Variants in STARD5 observed in about 807,000 individuals in gnomAD.
The protein encoded by STARD5 is stAR-related lipid transfer protein 5.
In STARD5, 26 loss-of-function variants were observed where a neutral mutation model predicts 24.6. The observed-to-expected ratio is 1.06, with a 90% CI of 0.77 to 1.47. STARD5 has a LOEUF of 1.47. Among genes scored for constraint, STARD5 ranks in the 40% most tolerant of loss-of-function variants. STARD5 has a pLI of 0.00. For synonymous variants in STARD5, 101 were observed against 99.7 expected, an observed-to-expected ratio of 1.01 and a Z score of -0.07; for missense variants, 254 against 270.8, an observed-to-expected ratio of 0.94 and a Z score of 0.44.
Position 81,322,389 on chromosome 15 carries a change from C to T in STARD5, c.282+19G>A. 6.2e-7 allele frequency: 1 copy of T among 1,614,106 alleles called. No individual in the cohort carries two copies. Among genetic ancestry groups the T allele is most frequent in the South Asian group, 1.1e-5 (1 of 91,080 alleles). On this transcript the variant is annotated intron_variant, in intron 3 of 5. Transcript: ENST00000302824. ...TGGCCCAGACACTATCTAGAGATAA[C>T]ATGCTTGGAAAGACTTACGTCAGTG...
chr15:81,323,104 G>C, intron 1 of STARD5, 156 bp from the exon 2 acceptor site: 1 of 700,390 alleles, frequency 1.4e-6, no homozygotes, highest in South Asian at 1.8e-5. Flanking sequence ...GACTAGTCTT[G>C]GGCAAAGCTG....
At chr15:81,318,168 T>C (rs1156389492) in intron 5 of STARD5, among the ~76,000 whole-genome samples, 1 of 152,134 alleles carries the variant, frequency 6.6e-6, no homozygotes, top group East Asian at 1.9e-4. Flanking sequence ...CAGGGAAAAT[T>C]TCCTGCATCA....
chr15:81,317,984 T>A (rs1901117347), intron 5 of STARD5, among the ~76,000 whole-genome samples: 1 of 152,128 alleles, frequency 6.6e-6, no homozygotes, highest in East Asian at 1.9e-4. Flanking sequence ...GGGTGGGGAC[T>A]GCTATCCTCA....
rs1046341863 is a variant in STARD5 at position 81,324,138 on chromosome 15, T to A, written c.-39A>T. On this transcript the variant is annotated 5_prime_UTR_variant, in exon 1 of 6. Transcript: ENST00000302824. The stretch of plus-strand genomic sequence containing the variant: ...GCGCTTAGCTGCGGGGTCGCGGGTG[T>A]TATGAGCGGCGGCGCTGGATCCCGG... The A allele has an allele frequency of 7.7e-7, 1 of 1,295,002 alleles. No homozygotes were observed. The highest frequency in any genetic ancestry group is 1.5e-5 in the African/African-American group (1 of 65,268). The allele number at this position is 1,295,002 out of a possible 1,614,324, so 80.2% of individuals were successfully genotyped here.
chr15:81,318,501 G>A lies in STARD5; in HGVS notation c.402C>T (p.Ala134=). The part of the protein sequence containing the change: ...RYEDGTISSN[A]THVEHPLCPP... Reference sequence around the variant, plus strand: ...GACATAACGGATGCTCCACATGGGTGGCTGGAAGACAGTGCAGAATCTCGG... The same window carrying A: ...GACATAACGGATGCTCCACATGGGTAGCTGGAAGACAGTGCAGAATCTCGG... The change falls in exon 5 of 6, where the codon GCC becomes GCT. Residue 134 remains alanine, a splice_region_variant and synonymous_variant. Transcript: ENST00000302824. 1 of 1,613,804 alleles carries A rather than the reference G, an allele frequency of 6.2e-7. No homozygotes were observed. Among genetic ancestry groups the A allele is most frequent in the Non-Finnish European group, 8.5e-7 (1 of 1,179,920 alleles).
At chr15:81,321,653 TA>T (rs2064427740) in intron 3 of STARD5, among the ~76,000 whole-genome samples, 2 of 151,896 alleles carry the variant, frequency 1.3e-5, no homozygotes, top group Admixed American at 6.6e-5. Flanking sequence ...AATATATGAT[TA>T]AAAAAACTTC....
In STARD5 at chr15:81,318,430, C is replaced by T. The variant is rs1331199251; in HGVS notation, c.473G>A (p.Cys158Tyr). 2 of 1,614,052 alleles carry T rather than the reference C, an allele frequency of 1.2e-6. No homozygotes were observed. The highest frequency in any genetic ancestry group is 2.7e-5 in the African/African-American group (2 of 74,928). Residue 158 changes from cysteine to tyrosine, a missense_variant, in exon 5 of 6, where the codon TGC becomes TAC. By Grantham distance (194) the Cys-to-Tyr change is radical. Transcript: ENST00000302824. ...FVRGFNHPCG[C>Y]FCEPLPGEPT... Reference sequence around the variant, plus strand: ...TTACCCTGGAAGAGGTTCACAGAAGCAACCACAAGGATGGTTAAATCCTCT... The same window carrying T: ...TTACCCTGGAAGAGGTTCACAGAAGTAACCACAAGGATGGTTAAATCCTCT...
chr15:81,320,644 T>C (rs1255042891), intron 3 of STARD5, among the ~76,000 whole-genome samples: 1 of 152,228 alleles, frequency 6.6e-6, no homozygotes, highest in Non-Finnish European at 1.5e-5. Context: ...TGTTTTTCCC[T>C]TTCTTAAGCA....
chr15:81,319,393 A>T lies in STARD5; in HGVS notation c.346T>A (p.Phe116Ile). The T allele has an allele frequency of 6.2e-7, 1 of 1,614,192 alleles. No individual in the cohort carries two copies. The highest frequency in any genetic ancestry group is 2.2e-5 in the East Asian group (1 of 44,880). The part of the protein sequence containing the change: ...AAMKLISPRD[F>I]VDLVLVKRYE... Reference sequence around the variant, plus strand: ...CTCTTGACTAGCACCAAGTCCACAAAATCTCTGGGAGAAATGAGCTTCATG... The same window carrying T: ...CTCTTGACTAGCACCAAGTCCACAATATCTCTGGGAGAAATGAGCTTCATG... The change falls in exon 4 of 6, where the codon TTT (phenylalanine) becomes ATT (isoleucine). Residue 116 changes from phenylalanine (F) to isoleucine (I), a missense_variant. Phe to Ile is a conservative substitution (Grantham distance 21). Transcript: ENST00000302824.
At position 81,318,483 on chromosome 15, in the gene STARD5, C is replaced by G. The variant is rs745597504; in HGVS notation, c.420G>C (p.Pro140=). 3 of 1,613,866 alleles carry G rather than the reference C, an allele frequency of 1.9e-6. No individual in the cohort carries two copies. Among genetic ancestry groups the G allele is most frequent in the Non-Finnish European group, 2.5e-6 (3 of 1,180,010 alleles). ...ISSNATHVEH[P]LCPPKPGFVR... is the part of the protein sequence containing the mutation. ...CAAAACCTGGCTTCGGGGGACATAA[C>G]GGATGCTCCACATGGGTGGCTGGAA... The change falls in exon 5 of 6, where the codon CCG becomes CCC. Residue 140 remains proline, a synonymous_variant. Coordinates refer to ENST00000302824, the MANE Select transcript of STARD5 (RefSeq NM_181900.3).
At chr15:81,314,512 AG>A (rs2141671724) in intron 5 of STARD5, among the ~76,000 whole-genome samples, 1 of 152,358 alleles carries the variant, frequency 6.6e-6, no homozygotes, top group East Asian at 1.9e-4. Context: ...CAGGAACCCC[AG>A]GTAGCACTAT....
chr15:81,316,892 C>A (rs1283690091), intron 5 of STARD5, among the ~76,000 whole-genome samples: 1 of 152,064 alleles, frequency 6.6e-6, no homozygotes, highest in Non-Finnish European at 1.5e-5. Context: ...CCCCAACCAC[C>A]CTCTCAGCAA....
chr15:81,313,498 G>A (rs1714784264), intron 5 of STARD5, 95 bp from the exon 6 acceptor site: 6 of 1,235,854 alleles, frequency 4.9e-6, no homozygotes, highest in Admixed American at 2.9e-5. Context: ...CAGTGGAAAT[G>A]GCCATGATAC....
At chr15:81,319,215 G>A (rs150224497) in intron 4 of STARD5, 124 bp downstream of exon 4, 222 of 859,438 alleles carry the variant, frequency 2.6e-4, no homozygotes, top group East Asian at 4.4e-4. Flanking sequence ...GATGAGGTAG[G>A]GGACTCAGAG....
chr15:81,311,032 G>A lies in STARD5; in HGVS notation c.*2224C>T, dbSNP rs1232653832. On this transcript the variant is annotated 3_prime_UTR_variant, in exon 6 of 6. Coordinates refer to ENST00000302824, the MANE Select transcript of STARD5 (RefSeq NM_181900.3). ...TATTGCCCAGGTTTCTGGTCTCTAG[G>A]CTGGGGAAGTCCTCTGGGTAGGAAT... The A allele has an allele frequency of 2.0e-5, 3 of 152,222 alleles. No individual in the cohort carries two copies. The highest frequency in any genetic ancestry group is 1.3e-4 in the Admixed American group (2 of 15,292). 9.4% of individuals were successfully genotyped at this position (152,222 alleles called of 1,614,324 possible).
In STARD5 at chr15:81,312,914, A is replaced by T. The variant is rs1900940250; in HGVS notation, c.*342T>A. The T allele has an allele frequency of 6.1e-6, 1 of 163,498 alleles. No homozygotes were observed. The highest frequency in any genetic ancestry group is 2.4e-5 in the African/African-American group (1 of 41,852). 10.1% of individuals were successfully genotyped at this position (163,498 alleles called of 1,614,324 possible). On this transcript the variant is annotated 3_prime_UTR_variant, in exon 6 of 6. Coordinates refer to ENST00000302824, the MANE Select transcript of STARD5 (RefSeq NM_181900.3). The stretch of plus-strand genomic sequence containing the variant: ...AACGTGGTCTCTGAGAGTGATGGGC[A>T]CATAAAGCCTTGGTGCCAGAGTGCA...
Position 81,311,177 on chromosome 15 carries a change from G to A in STARD5, c.*2079C>T, listed in dbSNP as rs1900833116. On this transcript the variant is annotated 3_prime_UTR_variant, in exon 6 of 6. Coordinates refer to ENST00000302824, the MANE Select transcript of STARD5 (RefSeq NM_181900.3). ...AGAGCTGACACAGGATGAAGGCAAT[G>A]CCATCCTCAAACACTGCAGGCATCA... 6.6e-6 allele frequency: 1 copy of A among 152,188 alleles called. No homozygotes were observed. The highest frequency in any genetic ancestry group is 1.5e-5 in the Non-Finnish European group (1 of 68,040). The allele number at this position is 152,188 out of a possible 1,614,324, so 9.4% of individuals were successfully genotyped here.
At position 81,310,747 on chromosome 15, in the gene STARD5, AGAAGGTGGGTTTTCATCAAGACTG is replaced by A. The variant is rs553430515; in HGVS notation, c.*2485_*2508del. The A allele has an allele frequency of 2.0e-5, 3 of 152,326 alleles. No homozygotes were observed. The East Asian group carries it at 5.8e-4, about 29-fold the overall frequency. The allele number at this position is 152,326 out of a possible 1,614,324, so 9.4% of individuals were successfully genotyped here. A position where few individuals can be genotyped will look rare whatever the true frequency, so the allele number is the denominator to read the frequency against. ...TTATCAAGCAGCCAAGGGATGAAAGAGAAGGTGGGTTTTCATCAAGACTGGAAGGTGGGGACAGGGATGAGCATG... is the reference window on the plus strand; with the variant it reads ...TTATCAAGCAGCCAAGGGATGAAAGAGAAGGTGGGGACAGGGATGAGCATG... On this transcript the variant is annotated 3_prime_UTR_variant, in exon 6 of 6. Transcript: ENST00000302824.
At chr15:81,315,870 G>A (rs1013666385) in intron 5 of STARD5, among the ~76,000 whole-genome samples, 7 of 152,216 alleles carry the variant, frequency 4.6e-5, no homozygotes, top group Admixed American at 4.6e-4. Flanking sequence ...GTCCCCTGGA[G>A]TTCACCCTCT....
Sources: gnomAD v4.1 joint callset for allele counts (sites outside exome capture counted in the v4.1 genomes callset) on GRCh38, gnomAD v4.1.1 for gene constraint, MANE v1.5 for transcripts, NCBI Gene and HGNC (gene_info 2026-07-23, HGNC 2026-07-21) for gene names.